FHIT: variants seen among roughly 807,000 people sequenced by gnomAD.
FHIT encodes bis(5'-adenosyl)-triphosphatase.
Under a neutral mutation model 17.9 loss-of-function variants are expected in FHIT, and 19 were observed. That is an observed-to-expected ratio of 1.06 (90% CI 0.74 to 1.56). FHIT has a LOEUF of 1.56. Among genes scored for constraint, FHIT ranks in the 40% most tolerant of loss-of-function variants. The pLI is 0.00. For synonymous variants in FHIT, 81 were observed against 69.7 expected (o/e 1.16, Z -0.81); for missense variants, 248 against 189.2 (o/e 1.31, Z -1.82).
chr3:60,019,163 A>T (rs1207264834), intron 5 of FHIT, among the ~76,000 whole-genome samples: 1 of 152,152 alleles, frequency 6.6e-6, no homozygotes, highest in African/African-American at 2.4e-5. Flanking sequence ...TTCCATCCCA[A>T]TAGATGCAGA....
chr3:60,358,136 G>A (rs1699752892), intron 5 of FHIT, among the ~76,000 whole-genome samples: 1 of 152,150 alleles, frequency 6.6e-6, no homozygotes, highest in African/African-American at 2.4e-5. Flanking sequence ...ATTCTTCAAG[G>A]CAAAGTTCAC....
chr3:60,254,353 T>G (rs1705875153), intron 5 of FHIT, among the ~76,000 whole-genome samples: 1 of 152,100 alleles, frequency 6.6e-6, no homozygotes, highest in South Asian at 2.1e-4. Context: ...TAATAAGAAA[T>G]GAAGTGCTGA....
chr3:60,665,360 G>T (rs2040357074), intron 4 of FHIT, among the ~76,000 whole-genome samples: 1 of 151,964 alleles, frequency 6.6e-6, no homozygotes, highest in Admixed American at 6.6e-5. Flanking sequence ...TCTATTTGTT[G>T]TTGAGAGAGG....
chr3:60,366,873 A>C (rs1700125965), intron 5 of FHIT, among the ~76,000 whole-genome samples: 1 of 152,212 alleles, frequency 6.6e-6, no homozygotes, highest in African/African-American at 2.4e-5. Flanking sequence ...GGACTAGCTG[A>C]GGCTCTGATT....
intron 5 of FHIT, among the ~76,000 whole-genome samples, chr3:60,067,011 A>G (rs1183102048): frequency 2.0e-5 from 3 of 152,056 alleles, no homozygotes; most frequent in African/African-American, 4.8e-5. Flanking sequence ...CTCAGTGCCT[A>G]TCACAGAGGT....
chr3:59,960,795 T>C (rs1277501260), intron 7 of FHIT, among the ~76,000 whole-genome samples: 2 of 152,228 alleles, frequency 1.3e-5, no homozygotes, highest in Non-Finnish European at 2.9e-5. Flanking sequence ...TTTTTAAAAG[T>C]ATTTTGCATA....
chr3:61,011,498 A>T (rs1205602715), intron 3 of FHIT, among the ~76,000 whole-genome samples: 1 of 152,008 alleles, frequency 6.6e-6, no homozygotes, highest in Non-Finnish European at 1.5e-5. Flanking sequence ...CAACACACTA[A>T]ATGGCCCTAA....
intron 1 of FHIT, among the ~76,000 whole-genome samples, chr3:61,210,907 A>T (rs980167079): frequency 1.3e-5 from 2 of 151,832 alleles, no homozygotes; most frequent in Non-Finnish European, 2.9e-5. Flanking sequence ...TCACACTGGG[A>T]GCTGTAGACT....
rs4679503 is a variant in FHIT at position 59,747,484 on chromosome 3, T to C, written c.*2101A>G. On this transcript the variant is annotated 3_prime_UTR_variant, in exon 10 of 10. Coordinates refer to ENST00000492590, the MANE Select transcript of FHIT (RefSeq NM_002012.4). ...CTCCCACTGGGTCCCTCCCATGACA[T>C]GTGGGGATTATGGGAGCTACAATTC... is the stretch of plus-strand genomic sequence containing the variant. Among the ~76,000 whole-genome samples the C allele has an allele frequency of 0.15, 22,101 of 152,034 alleles. 1,990 individuals carry two copies. Among genetic ancestry groups the C allele is most frequent in the African/African-American group, 0.23 (9,587 of 41,462 alleles).
chr3:60,533,605 G>A (rs913983917), intron 5 of FHIT, among the ~76,000 whole-genome samples: 1 of 152,112 alleles, frequency 6.6e-6, no homozygotes, highest in Non-Finnish European at 1.5e-5. Context: ...GTTTTGTTTT[G>A]TTTTCTTCCC....
chr3:60,013,520 G>C (rs1449104895), intron 6 of FHIT, among the ~76,000 whole-genome samples: 1 of 152,058 alleles, frequency 6.6e-6, no homozygotes, highest in Non-Finnish European at 1.5e-5. Context: ...TTTCTTCACT[G>C]GTCAGTGGGC....
At chr3:60,514,387 G>A (rs897221493) in intron 5 of FHIT, among the ~76,000 whole-genome samples, 2 of 152,202 alleles carry the variant, frequency 1.3e-5, no homozygotes, top group Admixed American at 6.5e-5. Context: ...TTCCTTGCAC[G>A]CTCCCTCCCG....
chr3:59,832,062 C>T (rs1450330233), intron 8 of FHIT, among the ~76,000 whole-genome samples: 1 of 152,150 alleles, frequency 6.6e-6, no homozygotes, highest in Non-Finnish European at 1.5e-5. Context: ...ACCCAGTGAT[C>T]CACTTGCCCC....
chr3:60,037,827 C>A (rs1315446498), intron 5 of FHIT, among the ~76,000 whole-genome samples: 1 of 152,016 alleles, frequency 6.6e-6, no homozygotes, highest in East Asian at 1.9e-4. Flanking sequence ...AATTCTCCCG[C>A]CTCAGCCTCC....
At chr3:60,621,643 A>G (rs782064669) in intron 4 of FHIT, among the ~76,000 whole-genome samples, 3 of 152,086 alleles carry the variant, frequency 2.0e-5, no homozygotes, top group Non-Finnish European at 4.4e-5. Flanking sequence ...ATACAAACAC[A>G]CTTTTGGCTT....
intron 5 of FHIT, among the ~76,000 whole-genome samples, chr3:60,420,205 A>C (rs1302173484): frequency 6.6e-6 from 1 of 152,166 alleles, no homozygotes; most frequent in East Asian, 1.9e-4. Context: ...CATGCTTTGC[A>C]TATTTCCTGT....
chr3:61,141,208 G>C (rs562730138), intron 2 of FHIT, among the ~76,000 whole-genome samples: 71 of 152,210 alleles, frequency 4.7e-4, no homozygotes, highest in African/African-American at 1.7e-3. Context: ...AGGACCACCT[G>C]CTTGGTGGCA....
intron 5 of FHIT, among the ~76,000 whole-genome samples, chr3:60,224,214 C>T (rs910199116): frequency 6.6e-6 from 1 of 152,108 alleles, no homozygotes; most frequent in Non-Finnish European, 1.5e-5. Context: ...GAAGACAGCA[C>T]TGAGGTTCAC....
At chr3:61,180,996 G>A (rs11929245) in intron 2 of FHIT, among the ~76,000 whole-genome samples, 33,518 of 151,744 alleles carry the variant, frequency 0.22, 4,817 homozygotes, top group East Asian at 0.71. Context: ...TTGCTTTTTC[G>A]ACTAAAAAAT....
Sources: gnomAD v4.1 joint callset for allele counts (sites outside exome capture counted in the v4.1 genomes callset) on GRCh38, gnomAD v4.1.1 for gene constraint, MANE v1.5 for transcripts, NCBI Gene and HGNC (gene_info 2026-07-23, HGNC 2026-07-21) for gene names.